Variants in TBC1D9 observed in about 807,000 individuals in gnomAD.
TBC1D9 encodes TBC1 domain family member 9.
In TBC1D9, 63 loss-of-function variants were observed where a neutral mutation model predicts 132.0. The observed-to-expected ratio is 0.48, with a 90% CI of 0.39 to 0.59. The LOEUF is 0.59. TBC1D9 is among the 20% of genes least tolerant of loss of function. TBC1D9 has a pLI of 0.00. For synonymous variants in TBC1D9, 610 were observed against 609.9 expected (o/e 1.00, Z 0.00); for missense variants, 1,261 against 1,592.7 (o/e 0.79, Z 3.54).
At chr4:140,631,952 C>T (rs1466445903) in intron 16 of TBC1D9, among the ~76,000 whole-genome samples, 1 of 152,148 alleles carries the variant, frequency 6.6e-6, no homozygotes, top group African/African-American at 2.4e-5. Flanking sequence ...TTGACTTTCC[C>T]ATCTCCATAA....
rs756118809 is a variant in TBC1D9, at chr4:140,678,982, G to C, written c.811C>G (p.Leu271Val). The change falls in exon 5 of 21, where the codon CTC becomes GTC. Residue 271 changes from leucine to valine, a missense_variant. Around this residue, in one of 3 missense-constraint regions of TBC1D9, gnomAD observed 550 missense variants for 699.0 expected, o/e 0.79. Transcript: ENST00000442267. ...ACTTTTTTAGGAGATTTCCTTTTGA[G>C]TTTGGGCAGGGATCGATCTTGTTCA... ...GFEQDRSLPK[L>V]KRKSPKKVSA... 6.2e-7 allele frequency: 1 copy of C among 1,613,908 alleles called. No individual in the cohort carries two copies. Among genetic ancestry groups the C allele is most frequent in the Non-Finnish European group, 8.5e-7 (1 of 1,179,824 alleles).
At chr4:140,752,338 T>C (rs1327405326) in intron 1 of TBC1D9, among the ~76,000 whole-genome samples, 1 of 149,808 alleles carries the variant, frequency 6.7e-6, no homozygotes, top group Non-Finnish European at 1.5e-5. Flanking sequence ...ATATACTCTA[T>C]AATTCCATTT....
intron 13 of TBC1D9, among the ~76,000 whole-genome samples, chr4:140,650,296 C>T (rs1312989545): frequency 3.3e-5 from 5 of 152,176 alleles, no homozygotes; most frequent in Non-Finnish European, 7.3e-5. Flanking sequence ...TTATAAAAAA[C>T]AGTAATCTTC....
intron 17 of TBC1D9, among the ~76,000 whole-genome samples, chr4:140,628,074 G>A (rs1169293756): frequency 2.6e-5 from 4 of 152,146 alleles, no homozygotes; most frequent in African/African-American, 9.7e-5. Context: ...ATGCCTGCCT[G>A]CTCTTTTCTG....
intron 10 of TBC1D9, among the ~76,000 whole-genome samples, chr4:140,659,988 T>A (rs1737331976): frequency 6.6e-6 from 1 of 152,198 alleles, no homozygotes; most frequent in South Asian, 2.1e-4. Flanking sequence ...AGCCCCGAAC[T>A]CATGCTGGCA....
intron 2 of TBC1D9, 29 bp downstream of exon 2, chr4:140,701,475 C>T (rs1324396519): frequency 3.2e-6 from 5 of 1,567,558 alleles, no homozygotes; most frequent in South Asian, 1.1e-5. Flanking sequence ...TCTTTTAAAA[C>T]TTGTGTATTT....
At chr4:140,673,933 A>G (rs1443804317) in intron 6 of TBC1D9, among the ~76,000 whole-genome samples, 1 of 152,238 alleles carries the variant, frequency 6.6e-6, no homozygotes, top group South Asian at 2.1e-4. Context: ...GACCAGCAGG[A>G]CAGCAGATGT....
intron 3 of TBC1D9, among the ~76,000 whole-genome samples, chr4:140,686,051 G>T (rs956182386): frequency 1.3e-5 from 2 of 152,028 alleles, no homozygotes; most frequent in Non-Finnish European, 2.9e-5. Flanking sequence ...ACCTTGACTT[G>T]ATCATTCCAC....
chr4:140,659,485 CT>C, intron 11 of TBC1D9, 102 bp downstream of exon 11: 3 of 737,144 alleles, frequency 4.1e-6, no homozygotes, highest in Non-Finnish European at 6.5e-6. Flanking sequence ...GTCTGAAACT[CT>C]TTTGGCTTAT....
At chr4:140,685,679 A>G (rs1737767766) in intron 3 of TBC1D9, among the ~76,000 whole-genome samples, 1 of 152,188 alleles carries the variant, frequency 6.6e-6, no homozygotes, top group Non-Finnish European at 1.5e-5. Flanking sequence ...TTCTGGTATT[A>G]ATGTTAAATT....
chr4:140,634,466 C>T (rs1427862769), intron 15 of TBC1D9, among the ~76,000 whole-genome samples: 1 of 152,138 alleles, frequency 6.6e-6, no homozygotes, highest in East Asian at 1.9e-4. Flanking sequence ...CTCTCCCCCA[C>T]CACATTCTCT....
At chr4:140,657,495 G>C in intron 12 of TBC1D9, 32 bp downstream of exon 12, 1 of 1,577,020 alleles carries the variant, frequency 6.3e-7, no homozygotes. Flanking sequence ...GAAAACCGGA[G>C]ATGGTTTTCA....
At chr4:140,729,072 T>C (rs1738545481) in intron 1 of TBC1D9, among the ~76,000 whole-genome samples, 1 of 152,204 alleles carries the variant, frequency 6.6e-6, no homozygotes, top group Non-Finnish European at 1.5e-5. Context: ...AACATCTTTC[T>C]ATTCTTCTTA....
At chr4:140,661,441 T>C (rs529564297) in intron 10 of TBC1D9, among the ~76,000 whole-genome samples, 9 of 152,288 alleles carry the variant, frequency 5.9e-5, no homozygotes, top group African/African-American at 1.9e-4. Context: ...CGAACCACAG[T>C]GACAGGCCTG....
intron 1 of TBC1D9, among the ~76,000 whole-genome samples, chr4:140,712,449 A>AATATATATATATATATAT (rs10530134): frequency 0.046 from 4,718 of 102,638 alleles, 816 homozygotes; most frequent in African/African-American, 0.2. Flanking sequence ...AAAAAAAAAG[A>AATATATATATATATATAT]ATATATATAT....
intron 1 of TBC1D9, among the ~76,000 whole-genome samples, chr4:140,747,024 A>G (rs888092839): frequency 6.6e-6 from 1 of 151,834 alleles, no homozygotes; most frequent in Non-Finnish European, 1.5e-5. Context: ...TAAAAAATAA[A>G]TAAATAAATA....
intron 1 of TBC1D9, among the ~76,000 whole-genome samples, chr4:140,729,101 T>C (rs1017377670): frequency 6.6e-6 from 1 of 152,192 alleles, no homozygotes; most frequent in Non-Finnish European, 1.5e-5. Context: ...TGTTTTTGGA[T>C]TTTCCCTCTG....
intron 6 of TBC1D9, among the ~76,000 whole-genome samples, chr4:140,676,550 G>A (rs1243814196): frequency 6.6e-6 from 1 of 152,180 alleles, no homozygotes; most frequent in Non-Finnish European, 1.5e-5. Context: ...CTACTCAGGA[G>A]GCTGAGGCAG....
At chr4:140,653,160 ATGAG>A (rs151046503) in intron 13 of TBC1D9, among the ~76,000 whole-genome samples, 2,201 of 152,310 alleles carry the variant, frequency 0.014, 44 homozygotes, top group South Asian at 0.057. Flanking sequence ...GGAACTTATA[ATGAG>A]TGAGATTTTC....
Sources: gnomAD v4.1 joint callset for allele counts (sites outside exome capture counted in the v4.1 genomes callset) on GRCh38, gnomAD v4.1.1 for gene constraint, gnomAD v4.1.1 regional missense constraint, MANE v1.5 for transcripts, NCBI Gene and HGNC (gene_info 2026-07-23, HGNC 2026-07-21) for gene names.